IMMP2L: variants seen among roughly 807,000 people sequenced by gnomAD.
IMMP2L encodes mitochondrial inner membrane protease subunit 2.
In IMMP2L, 18 loss-of-function variants were observed where a neutral mutation model predicts 19.3. That is an observed-to-expected ratio of 0.93 (90% CI 0.64 to 1.38). The LOEUF is 1.38. IMMP2L is among the 40% of genes most tolerant of loss of function. The probability of loss-of-function intolerance (pLI) is 0.00; values close to 1 mark genes in which losing one functional copy is unlikely to be tolerated. For synonymous variants in IMMP2L, 76 were observed against 73.0 expected, an observed-to-expected ratio of 1.04 and a Z score of -0.21; for missense variants, 233 against 218.2, an observed-to-expected ratio of 1.07 and a Z score of -0.43.
intron 5 of IMMP2L, among the ~76,000 whole-genome samples, chr7:110,793,497 C>A (rs1400839426): frequency 6.6e-6 from 1 of 151,832 alleles, no homozygotes; most frequent in African/African-American, 2.4e-5. Context: ...CATCTCATCC[C>A]CAAAACCCTA....
At chr7:111,410,286 G>A (rs1443075774) in intron 3 of IMMP2L, among the ~76,000 whole-genome samples, 1 of 151,652 alleles carries the variant, frequency 6.6e-6, no homozygotes, top group Non-Finnish European at 1.5e-5. Flanking sequence ...GATTACCCTA[G>A]ATCATCCTTG....
intron 1 of IMMP2L, among the ~76,000 whole-genome samples, chr7:111,540,467 A>C (rs1278059159): frequency 6.6e-6 from 1 of 152,214 alleles, no homozygotes; most frequent in Non-Finnish European, 1.5e-5. Flanking sequence ...TTACAGCTGA[A>C]CACATAAAAT....
intron 5 of IMMP2L, among the ~76,000 whole-genome samples, chr7:110,852,610 T>C (rs1230713997): frequency 6.6e-6 from 1 of 152,078 alleles, no homozygotes; most frequent in Non-Finnish European, 1.5e-5. Flanking sequence ...GACAGGTTTT[T>C]ATCTTTACTA....
At chr7:110,694,214 A>C (rs777685425) in intron 5 of IMMP2L, among the ~76,000 whole-genome samples, 1 of 152,192 alleles carries the variant, frequency 6.6e-6, no homozygotes, top group Non-Finnish European at 1.5e-5. Flanking sequence ...ATAACATACA[A>C]GTGAATAGTT....
intron 3 of IMMP2L, among the ~76,000 whole-genome samples, chr7:111,286,162 G>T (rs1820456206): frequency 6.6e-6 from 1 of 152,104 alleles, no homozygotes. Flanking sequence ...ATGGAGTCAG[G>T]ACAGTTCACG....
intron 3 of IMMP2L, among the ~76,000 whole-genome samples, chr7:111,224,755 G>T (rs112456812): frequency 3.3e-5 from 5 of 152,166 alleles, no homozygotes; most frequent in African/African-American, 9.6e-5. Context: ...TTTCACAGAT[G>T]ATATGAAAGC....
chr7:110,793,642 T>A (rs1367979933), intron 5 of IMMP2L, among the ~76,000 whole-genome samples: 1 of 152,090 alleles, frequency 6.6e-6, no homozygotes, highest in Non-Finnish European at 1.5e-5. Context: ...TTATGTAGAA[T>A]GAGTAAGTCT....
In IMMP2L at chr7:110,997,197, G is replaced by A. The variant is rs78261410; in HGVS notation, c.240-33632C>T. Reference sequence around the variant, plus strand: ...TTTACTCAGCAGGATCCCTTTAAGAGCCATCCAGTTTGTTGCATATATCAA... The same window carrying A: ...TTTACTCAGCAGGATCCCTTTAAGAACCATCCAGTTTGTTGCATATATCAA... On this transcript the variant is annotated intron_variant, in intron 3 of 5. Coordinates refer to ENST00000405709, the MANE Select transcript of IMMP2L (RefSeq NM_032549.4). Among the ~76,000 whole-genome samples the A allele has an allele frequency of 9.5e-3, 1,450 of 152,138 alleles. 19 individuals carry two copies. The highest frequency in any genetic ancestry group is 0.032 in the African/African-American group (1,340 of 41,510).
At chr7:111,111,143 T>C (rs180805394) in intron 3 of IMMP2L, among the ~76,000 whole-genome samples, 3 of 152,206 alleles carry the variant, frequency 2.0e-5, no homozygotes, top group Admixed American at 2.0e-4. Flanking sequence ...ACCAGGCTTC[T>C]AAGAGTGAAA....
At chr7:110,764,959 C>T (rs1030909611) in intron 5 of IMMP2L, among the ~76,000 whole-genome samples, 6 of 152,052 alleles carry the variant, frequency 3.9e-5, no homozygotes, top group African/African-American at 1.4e-4. Context: ...AAGGGAAGAG[C>T]TACTGGAAAC....
Position 111,460,263 on chromosome 7 carries a change from T to G in IMMP2L, c.239+26975A>C, listed in dbSNP as rs1840024233. Among the ~76,000 whole-genome samples the G allele has an allele frequency of 4.6e-5, 7 of 152,140 alleles. No homozygotes were observed. The South Asian group carries it at 1.4e-3, about 32-fold the overall frequency. ...CTCGAATTGAGTTTTTTAAGAAATT[T>G]TAACTGTTATTATCTAAATGCTATT... On this transcript the variant is annotated intron_variant, in intron 3 of 5. Transcript: ENST00000405709.
intron 1 of IMMP2L, among the ~76,000 whole-genome samples, chr7:111,558,119 C>T (rs1329215494): frequency 6.6e-6 from 1 of 152,152 alleles, no homozygotes; most frequent in Non-Finnish European, 1.5e-5. Flanking sequence ...GAACAGTTGA[C>T]AAAGATCAAC....
intron 3 of IMMP2L, among the ~76,000 whole-genome samples, chr7:111,011,550 A>C (rs1824959159): frequency 6.6e-6 from 1 of 152,104 alleles, no homozygotes; most frequent in Admixed American, 6.6e-5. Flanking sequence ...ATAAATGGAG[A>C]GCCTGTGGCC....
At chr7:111,267,707 A>G (rs2130094266) in intron 3 of IMMP2L, among the ~76,000 whole-genome samples, 2 of 152,198 alleles carry the variant, frequency 1.3e-5, no homozygotes, top group African/African-American at 2.4e-5. Flanking sequence ...TTGAGCTTTC[A>G]GATTATATTA....
At chr7:111,183,990 A>G (rs1161895733) in intron 3 of IMMP2L, among the ~76,000 whole-genome samples, 2 of 152,102 alleles carry the variant, frequency 1.3e-5, no homozygotes, top group Admixed American at 1.3e-4. Flanking sequence ...GGAAATAATA[A>G]CACCTAGTTT....
At chr7:111,219,021 T>C (rs1812248715) in intron 3 of IMMP2L, among the ~76,000 whole-genome samples, 1 of 151,910 alleles carries the variant, frequency 6.6e-6, no homozygotes, top group South Asian at 2.1e-4. Flanking sequence ...CCACTAAAAC[T>C]TGTGAAGGAG....
At chr7:111,422,647 A>G (rs1835684061) in intron 3 of IMMP2L, among the ~76,000 whole-genome samples, 1 of 151,932 alleles carries the variant, frequency 6.6e-6, no homozygotes, top group Admixed American at 6.5e-5. Flanking sequence ...TACAAATACA[A>G]TCATGTCATC....
At chr7:111,212,867 C>G (rs2129618872) in intron 3 of IMMP2L, among the ~76,000 whole-genome samples, 1 of 152,324 alleles carries the variant, frequency 6.6e-6, no homozygotes, top group South Asian at 2.1e-4. Context: ...ATCTCCTGCT[C>G]TGTCCTTGTG....
intron 3 of IMMP2L, among the ~76,000 whole-genome samples, chr7:111,335,745 G>A (rs556098321): frequency 6.6e-6 from 1 of 152,252 alleles, no homozygotes; most frequent in South Asian, 2.1e-4. Context: ...AACATTTATT[G>A]TGACATGATG....
Sources: gnomAD v4.1 joint callset for allele counts (sites outside exome capture counted in the v4.1 genomes callset) on GRCh38, gnomAD v4.1.1 for gene constraint, MANE v1.5 for transcripts, NCBI Gene and HGNC (gene_info 2026-07-23, HGNC 2026-07-21) for gene names.